The following TENM4 variants were observed in gnomAD, a reference collection of about 807,000 sequenced individuals.
TENM4 encodes the protein teneurin transmembrane protein 4, also known as teneurin-4.
A neutral mutation model predicts 243.3 loss-of-function variants in TENM4; 82 were observed. The observed-to-expected ratio is 0.34, with a 90% CI of 0.28 to 0.40. TENM4 has a LOEUF of 0.40. Ranked by LOEUF, TENM4 falls within the 10% of genes least tolerant of loss-of-function variation. The pLI is 1.00. For missense variants in TENM4, 3,138 were observed against 3,673.3 expected (o/e 0.85, Z 3.77); for synonymous variants, 1,412 against 1,456.3 (o/e 0.97, Z 0.69).
At chr11:79,417,186 T>C (rs1316041691) in intron 1 of TENM4, among the ~76,000 whole-genome samples, 1 of 152,206 alleles carries the variant, frequency 6.6e-6, no homozygotes, top group East Asian at 1.9e-4. Context: ...GGCAGGTGTG[T>C]TTCATGCGTT....
At chr11:78,795,174 G>T (rs1029690488) in intron 15 of TENM4, among the ~76,000 whole-genome samples, 1 of 152,196 alleles carries the variant, frequency 6.6e-6, no homozygotes, top group East Asian at 1.9e-4. Flanking sequence ...GCTGGAAGGA[G>T]TTTCACCTTC....
At chr11:78,998,991 T>C (rs1858245752) in intron 6 of TENM4, among the ~76,000 whole-genome samples, 1 of 152,200 alleles carries the variant, frequency 6.6e-6, no homozygotes, top group Non-Finnish European at 1.5e-5. Flanking sequence ...AGACCTAAGC[T>C]TTGAATGTAT....
chr11:78,760,736 G>A (rs1856411992), intron 18 of TENM4, among the ~76,000 whole-genome samples: 1 of 152,150 alleles, frequency 6.6e-6, no homozygotes, highest in African/African-American at 2.4e-5. Flanking sequence ...CTAGTCTTCA[G>A]GAAATTAACT....
intron 26 of TENM4, among the ~76,000 whole-genome samples, chr11:78,711,036 G>A (rs571497419): frequency 6.6e-6 from 1 of 152,336 alleles, no homozygotes; most frequent in East Asian, 1.9e-4. Context: ...GAGGCCCAGA[G>A]GAGGAGGTCC....
At chr11:79,244,565 T>C (rs893521771) in intron 2 of TENM4, among the ~76,000 whole-genome samples, 4 of 152,024 alleles carry the variant, frequency 2.6e-5, no homozygotes, top group Non-Finnish European at 5.9e-5. Context: ...GACTCACCCA[T>C]AAAAAAGCCG....
intron 6 of TENM4, among the ~76,000 whole-genome samples, chr11:79,023,188 C>T (rs1335797501): frequency 2.6e-5 from 4 of 152,152 alleles, no homozygotes; most frequent in Non-Finnish European, 4.4e-5. Context: ...GCTAGACCTT[C>T]CTAATCCCCA....
intron 2 of TENM4, among the ~76,000 whole-genome samples, chr11:79,222,334 T>G (rs150825836): frequency 6.6e-6 from 1 of 152,350 alleles, no homozygotes; most frequent in Non-Finnish European, 1.5e-5. Context: ...GGACATTATC[T>G]CGTTCCTTTT....
intron 32 of TENM4, among the ~76,000 whole-genome samples, chr11:78,663,357 C>T (rs1858077284): frequency 1.3e-5 from 2 of 152,088 alleles, no homozygotes; most frequent in Admixed American, 6.6e-5. Context: ...AATATTTGTC[C>T]CCTCCAAATC....
At chr11:78,893,594 C>A (rs1246120945) in intron 7 of TENM4, among the ~76,000 whole-genome samples, 2 of 152,150 alleles carry the variant, frequency 1.3e-5, no homozygotes, top group Admixed American at 6.5e-5. Context: ...CAAGCTAAAC[C>A]TTGGCTTTCC....
intron 2 of TENM4, among the ~76,000 whole-genome samples, chr11:79,287,877 C>T (rs1856285037): frequency 6.6e-6 from 1 of 152,180 alleles, no homozygotes; most frequent in Non-Finnish European, 1.5e-5. Flanking sequence ...CTGTGGGGCC[C>T]ATGTCTGCTA....
At chr11:79,397,871 T>C (rs1858377856) in intron 1 of TENM4, among the ~76,000 whole-genome samples, 1 of 152,092 alleles carries the variant, frequency 6.6e-6, no homozygotes, top group South Asian at 2.1e-4. Flanking sequence ...CAAATAGAGG[T>C]TGCATGGTAG....
intron 6 of TENM4, among the ~76,000 whole-genome samples, chr11:79,040,298 G>GA (rs1171004656): frequency 6.6e-6 from 1 of 152,198 alleles, no homozygotes; most frequent in Non-Finnish European, 1.5e-5. Flanking sequence ...CATAGTCTGT[G>GA]AACCTACAAA....
At chr11:78,768,010 T>C (rs1856571780) in intron 18 of TENM4, among the ~76,000 whole-genome samples, 1 of 152,196 alleles carries the variant, frequency 6.6e-6, no homozygotes, top group South Asian at 2.1e-4. Flanking sequence ...AATGCAAATA[T>C]GGTTTACTCT....
intron 4 of TENM4, among the ~76,000 whole-genome samples, chr11:79,102,645 A>G (rs1161735587): frequency 6.6e-6 from 1 of 152,170 alleles, no homozygotes; most frequent in Non-Finnish European, 1.5e-5. Flanking sequence ...GGTCATTGCT[A>G]TCGCTTTTGT....
intron 4 of TENM4, among the ~76,000 whole-genome samples, chr11:79,147,808 G>A (rs999975966): frequency 5.3e-4 from 81 of 152,052 alleles, no homozygotes; most frequent in Non-Finnish European, 6.6e-4. Flanking sequence ...ATGAGAAATG[G>A]CAGTCTATGG....
At chr11:79,348,048 G>C (rs1857357409) in intron 1 of TENM4, among the ~76,000 whole-genome samples, 1 of 151,982 alleles carries the variant, frequency 6.6e-6, no homozygotes, top group African/African-American at 2.4e-5. Flanking sequence ...CAAAGTGCTG[G>C]GATTACAGGC....
intron 6 of TENM4, among the ~76,000 whole-genome samples, chr11:78,927,333 G>GA (rs1005831386): frequency 6.6e-6 from 1 of 152,014 alleles, no homozygotes; most frequent in Non-Finnish European, 1.5e-5. Context: ...TTTTATATTA[G>GA]AAAAAAATGC....
intron 29 of TENM4, among the ~76,000 whole-genome samples, chr11:78,677,586 C>G (rs1042850007): frequency 2.0e-5 from 3 of 151,760 alleles, no homozygotes; most frequent in Admixed American, 6.6e-5. Flanking sequence ...TTGATACACT[C>G]TAAGGTAACA....
chr11:78,817,104 T>A (rs984866925), intron 12 of TENM4, among the ~76,000 whole-genome samples: 20 of 152,146 alleles, frequency 1.3e-4, no homozygotes, highest in African/African-American at 4.6e-4. Flanking sequence ...AAAACTTAAA[T>A]GCAGCATAGC....
Sources: allele counts gnomAD v4.1 joint callset (sites outside exome capture counted in the v4.1 genomes callset), GRCh38; gene constraint gnomAD v4.1.1; transcripts MANE v1.5; gene names NCBI Gene and HGNC (gene_info 2026-07-23, HGNC 2026-07-21).